DCDC2: variants seen among roughly 807,000 people sequenced by gnomAD.
DCDC2 encodes the protein doublecortin domain-containing protein 2.
DCDC2 carries 40 observed loss-of-function variants against 50.2 expected under a neutral mutation model. The observed-to-expected ratio is 0.80, with a 90% CI of 0.62 to 1.04. DCDC2 has a LOEUF of 1.04. DCDC2 is among the 50% of genes least tolerant of loss of function. The pLI is 0.00. For synonymous variants in DCDC2, 234 were observed against 210.6 expected, an observed-to-expected ratio of 1.11 and a Z score of -0.96; for missense variants, 570 against 581.9, an observed-to-expected ratio of 0.98 and a Z score of 0.21.
chr6:24,316,448 T>C (rs1759661022), intron 2 of DCDC2, among the ~76,000 whole-genome samples: 1 of 152,058 alleles, frequency 6.6e-6, no homozygotes, highest in Non-Finnish European at 1.5e-5. Flanking sequence ...AAGGATCAGC[T>C]GTATGGATGC....
At chr6:24,223,285 G>C (rs914942950) in intron 7 of DCDC2, among the ~76,000 whole-genome samples, 1 of 152,182 alleles carries the variant, frequency 6.6e-6, no homozygotes, top group African/African-American at 2.4e-5. Flanking sequence ...TTTAGAACTA[G>C]ATGATGAAAC....
In DCDC2 at chr6:24,298,299, G is replaced by A. The variant is rs192603444; in HGVS notation, c.557+3416C>T. ...TGCAGTCGGGTTCCTAACAGGCCAC[G>A]GAATGGTACCAGTCCATGGCCTGGG... On this transcript the variant is annotated intron_variant, in intron 4 of 9. Transcript: ENST00000378454. 3.1e-3 allele frequency among the ~76,000 whole-genome samples: 478 copies of A among 152,352 alleles called. 5 individuals carry two copies. The highest frequency in any genetic ancestry group is 3.1e-3 in the Non-Finnish European group (208 of 68,034).
At chr6:24,322,134 T>C (rs894667141) in intron 2 of DCDC2, among the ~76,000 whole-genome samples, 4 of 152,184 alleles carry the variant, frequency 2.6e-5, no homozygotes, top group Non-Finnish European at 5.9e-5. Flanking sequence ...AAAGACTTTT[T>C]TTTCAATCAT....
intron 8 of DCDC2, 75 bp downstream of exon 8, chr6:24,204,927 G>A: frequency 1.5e-6 from 2 of 1,371,212 alleles, no homozygotes; most frequent in Non-Finnish European, 2.0e-6. Flanking sequence ...GGAACAATTT[G>A]TAGGAGATAA....
chr6:24,350,550 C>T (rs1027344997), intron 2 of DCDC2, among the ~76,000 whole-genome samples: 4 of 152,142 alleles, frequency 2.6e-5, no homozygotes, highest in East Asian at 3.9e-4. Flanking sequence ...TCACTGAAAA[C>T]TCAAAATTAC....
intron 8 of DCDC2, among the ~76,000 whole-genome samples, chr6:24,184,440 G>A (rs6931194): frequency 0.29 from 44,297 of 151,840 alleles, 7,430 homozygotes; most frequent in African/African-American, 0.45. Flanking sequence ...CGGGCTTGGT[G>A]GTGCATATCT....
chr6:24,248,564 C>A (rs1762734574), intron 7 of DCDC2, among the ~76,000 whole-genome samples: 1 of 152,104 alleles, frequency 6.6e-6, no homozygotes, highest in African/African-American at 2.4e-5. Context: ...TTCCTGAAGA[C>A]CAGTTTTGCT....
upstream of DCDC2, among the ~76,000 whole-genome samples, chr6:24,358,957 A>T (rs1760565369): frequency 1.8e-5 from 1 of 54,876 alleles, no homozygotes; most frequent in Non-Finnish European, 3.0e-5. Context: ...TATATTATAT[A>T]TTATATATTA....
intron 6 of DCDC2, among the ~76,000 whole-genome samples, chr6:24,283,586 T>TC (rs1382985949): frequency 1.3e-5 from 2 of 152,188 alleles, no homozygotes; most frequent in Non-Finnish European, 2.9e-5. Context: ...TAGGGTGCTT[T>TC]CCCCATGGAT....
intron 8 of DCDC2, among the ~76,000 whole-genome samples, chr6:24,199,203 C>A (rs943024173): frequency 6.6e-6 from 1 of 152,198 alleles, no homozygotes; most frequent in Admixed American, 6.5e-5. Context: ...GACCCCTGTG[C>A]CTCCTGACTG....
chr6:24,179,547 C>CAAAAAAAA (rs56731018), intron 8 of DCDC2, among the ~76,000 whole-genome samples: 9 of 49,600 alleles, frequency 1.8e-4, no homozygotes, highest in African/African-American at 2.8e-4. Context: ...GACACCATCT[C>CAAAAAAAA]AAAAAAAAAA....
chr6:24,284,682 C>G (rs1304767698), intron 6 of DCDC2, among the ~76,000 whole-genome samples: 1 of 151,858 alleles, frequency 6.6e-6, no homozygotes, highest in Admixed American at 6.6e-5. Context: ...CAAATGGCAC[C>G]CCATCAAGAA....
chr6:24,317,862 T>C (rs1561772332), intron 2 of DCDC2, among the ~76,000 whole-genome samples: 1 of 151,784 alleles, frequency 6.6e-6, no homozygotes, highest in Non-Finnish European at 1.5e-5. Flanking sequence ...TTCATGTTTT[T>C]AAAAAAAATC....
At chr6:24,317,419 G>C (rs573934544) in intron 2 of DCDC2, among the ~76,000 whole-genome samples, 103 of 152,010 alleles carry the variant, frequency 6.8e-4, no homozygotes, top group African/African-American at 2.3e-3. Context: ...AATGGCTTTG[G>C]GACAGTGGGG....
At chr6:24,284,304 G>C (rs1393322848) in intron 6 of DCDC2, among the ~76,000 whole-genome samples, 1 of 152,072 alleles carries the variant, frequency 6.6e-6, no homozygotes, top group East Asian at 1.9e-4. Context: ...CAGCCAGAAT[G>C]AGCACTTAAA....
At chr6:24,335,497 T>C (rs1471483906) in intron 2 of DCDC2, among the ~76,000 whole-genome samples, 1 of 152,098 alleles carries the variant, frequency 6.6e-6, no homozygotes, top group Non-Finnish European at 1.5e-5. Flanking sequence ...ATTCCAACCA[T>C]ATGTGTCTGG....
At chr6:24,228,039 T>C (rs955428217) in intron 7 of DCDC2, among the ~76,000 whole-genome samples, 1 of 152,246 alleles carries the variant, frequency 6.6e-6, no homozygotes, top group African/African-American at 2.4e-5. Flanking sequence ...TTTTAATTCA[T>C]AGGTGGAAAG....
chr6:24,259,009 C>A (rs1163402446), intron 7 of DCDC2, among the ~76,000 whole-genome samples: 4 of 152,148 alleles, frequency 2.6e-5, no homozygotes, highest in Non-Finnish European at 1.5e-5. Context: ...AATAGTCTTT[C>A]CTCGAAATTC....
At position 24,348,647 on chromosome 6, in the gene DCDC2, A is replaced by C. The variant is rs146368176; in HGVS notation, c.348+4922T>G. Among the ~76,000 whole-genome samples the C allele has an allele frequency of 9.9e-4, 151 of 152,326 alleles. 1 individual carries two copies. The highest frequency in any genetic ancestry group is 3.5e-3 in the African/African-American group (147 of 41,568). ...ATACCCTCTTAATCAAGTTGTAGAA[A>C]AAGACTTTCTCAAAACTTTGATCTA... On this transcript the variant is annotated intron_variant, in intron 2 of 9. Transcript: ENST00000378454.
Sources: allele counts gnomAD v4.1 joint callset (sites outside exome capture counted in the v4.1 genomes callset), GRCh38; gene constraint gnomAD v4.1.1; transcripts MANE v1.5; gene names NCBI Gene and HGNC (gene_info 2026-07-23, HGNC 2026-07-21).